Variants in RIMBP2 observed in about 807,000 individuals in gnomAD.
The protein encoded by RIMBP2 is RIMS binding protein 2.
A neutral mutation model predicts 118.6 loss-of-function variants in RIMBP2; 48 were observed. That is an observed-to-expected ratio of 0.40 (90% CI 0.32 to 0.51). The LOEUF (loss-of-function observed/expected upper bound fraction) is 0.51. RIMBP2 is among the 20% of genes least tolerant of loss of function. The pLI, the probability that RIMBP2 is intolerant of heterozygous loss-of-function variation, is 0.41. For synonymous variants in RIMBP2, 762 were observed against 742.9 expected, an observed-to-expected ratio of 1.03 and a Z score of -0.42; for missense variants, 1,551 against 1,768.3, an observed-to-expected ratio of 0.88 and a Z score of 2.20.
chr12:130,495,555 T>C (rs1055464792), intron 4 of RIMBP2, among the ~76,000 whole-genome samples: 1 of 152,220 alleles, frequency 6.6e-6, no homozygotes, highest in East Asian at 1.9e-4. Flanking sequence ...ACCTGATTTT[T>C]TTTCTGAGCT....
chr12:130,552,076 T>A (rs2055846239), intron 2 of RIMBP2, among the ~76,000 whole-genome samples: 1 of 152,252 alleles, frequency 6.6e-6, no homozygotes, highest in Non-Finnish European at 1.5e-5. Flanking sequence ...TCATAACTGC[T>A]TTAACATCTA....
intron 8 of RIMBP2, 46 bp downstream of exon 8, chr12:130,451,149 C>A: frequency 6.3e-7 from 1 of 1,597,020 alleles, no homozygotes; most frequent in South Asian, 1.1e-5. Flanking sequence ...ACACCAGACA[C>A]ACACAGCACA....
intron 1 of RIMBP2, among the ~76,000 whole-genome samples, chr12:130,661,843 G>A (rs1318077937): frequency 6.6e-6 from 1 of 152,162 alleles, no homozygotes; most frequent in East Asian, 1.9e-4. Context: ...CCCTTCATGA[G>A]TATGCATCTC....
At chr12:130,504,288 G>A (rs1460321538) in intron 4 of RIMBP2, among the ~76,000 whole-genome samples, 1 of 152,144 alleles carries the variant, frequency 6.6e-6, no homozygotes, top group Non-Finnish European at 1.5e-5. Flanking sequence ...GAGGGGCTGT[G>A]AGCCGGCCCT....
At chr12:130,672,834 GT>G (rs1429762077) in intron 1 of RIMBP2, among the ~76,000 whole-genome samples, 1 of 152,158 alleles carries the variant, frequency 6.6e-6, no homozygotes, top group East Asian at 1.9e-4. Context: ...ACTTTGGGTT[GT>G]TAACATTAGC....
chr12:130,604,233 A>G (rs1333898761), intron 2 of RIMBP2, among the ~76,000 whole-genome samples: 1 of 151,932 alleles, frequency 6.6e-6, no homozygotes, highest in African/African-American at 2.4e-5. Flanking sequence ...GCAGCTGTGC[A>G]ATGTCTTTGT....
intron 1 of RIMBP2, among the ~76,000 whole-genome samples, chr12:130,706,598 G>A (rs78616713): frequency 0.026 from 3,919 of 152,356 alleles, 174 homozygotes; most frequent in African/African-American, 0.089. Context: ...AGGGGCAGGC[G>A]CTCTGGCGAA....
At chr12:130,616,398 G>A (rs377097642) in intron 2 of RIMBP2, among the ~76,000 whole-genome samples, 3 of 151,828 alleles carry the variant, frequency 2.0e-5, no homozygotes, top group Admixed American at 1.3e-4. Flanking sequence ...GACTGTTGCC[G>A]TTTTCAGAAG....
chr12:130,422,041 C>G lies in RIMBP2; in HGVS notation c.3238+412G>C, dbSNP rs749649348. 9.2e-5 allele frequency among the ~76,000 whole-genome samples: 14 copies of G among 152,200 alleles called. No individual in the cohort carries two copies. Among genetic ancestry groups the G allele is most frequent in the Non-Finnish European group, 1.5e-4 (10 of 68,044 alleles). On this transcript the variant is annotated intron_variant, in intron 17 of 22. Coordinates refer to ENST00000690449, the MANE Select transcript of RIMBP2 (RefSeq NM_001393629.1). This position sits in a 1 kb window ranked among gnomAD's most constrained non-coding sequence, Gnocchi z 5.2. ...GGATTTAGCTCTGCTGCCAGCGTGT[C>G]TTCTGCAGACAGGCAGCATTCCCTC...
chr12:130,573,503 T>C (rs147414735), intron 2 of RIMBP2, among the ~76,000 whole-genome samples: 13 of 152,188 alleles, frequency 8.5e-5, no homozygotes, highest in African/African-American at 2.9e-4. Context: ...ACTGGAGATA[T>C]AGACGTGATC....
At chr12:130,566,363 T>A (rs1032739310) in intron 2 of RIMBP2, among the ~76,000 whole-genome samples, 1 of 152,238 alleles carries the variant, frequency 6.6e-6, no homozygotes, top group Admixed American at 6.5e-5. Flanking sequence ...TGATGCTCTA[T>A]CTTTAAGGAG....
intron 1 of RIMBP2, among the ~76,000 whole-genome samples, chr12:130,677,061 A>T (rs2064525293): frequency 6.6e-6 from 1 of 152,146 alleles, no homozygotes; most frequent in Admixed American, 6.5e-5. Flanking sequence ...GGGGTTTTCA[A>T]TCAGGAGGTG....
At chr12:130,500,770 T>C (rs1231900894) in intron 4 of RIMBP2, among the ~76,000 whole-genome samples, 1 of 152,136 alleles carries the variant, frequency 6.6e-6, no homozygotes, top group East Asian at 1.9e-4. Context: ...TCAGTCACTT[T>C]AGGACATGGA....
At chr12:130,631,820 C>T (rs1011340835) in intron 1 of RIMBP2, among the ~76,000 whole-genome samples, 1 of 152,112 alleles carries the variant, frequency 6.6e-6, no homozygotes, top group African/African-American at 2.4e-5. Flanking sequence ...TTCCATATAC[C>T]TTTATACACT....
chr12:130,518,644 G>T (rs1461356227), intron 2 of RIMBP2, among the ~76,000 whole-genome samples: 1 of 152,160 alleles, frequency 6.6e-6, no homozygotes, highest in Non-Finnish European at 1.5e-5. Flanking sequence ...TTTAGGACTT[G>T]TCTTACTCTC....
chr12:130,481,378 G>A (rs1273707673), intron 4 of RIMBP2, among the ~76,000 whole-genome samples: 1 of 152,156 alleles, frequency 6.6e-6, no homozygotes, highest in African/African-American at 2.4e-5. Context: ...TGTGGTTGGT[G>A]GGATATTTTG....
At chr12:130,482,542 G>A (rs2082101856) in intron 4 of RIMBP2, among the ~76,000 whole-genome samples, 1 of 152,204 alleles carries the variant, frequency 6.6e-6, no homozygotes, top group South Asian at 2.1e-4. Context: ...CTGATACGAG[G>A]AGGAGATTTC....
At chr12:130,409,064 A>T (rs1016284472) in intron 19 of RIMBP2, among the ~76,000 whole-genome samples, 1 of 152,210 alleles carries the variant, frequency 6.6e-6, no homozygotes, top group African/African-American at 2.4e-5. Flanking sequence ...AGGGAATGTT[A>T]CAAGTATGAC....
intron 2 of RIMBP2, among the ~76,000 whole-genome samples, chr12:130,543,779 C>T (rs1340295117): frequency 6.6e-6 from 1 of 151,666 alleles, no homozygotes. Flanking sequence ...AAAGTTCTTT[C>T]ACCTATAAGA....
Sources: allele counts gnomAD v4.1 joint callset (sites outside exome capture counted in the v4.1 genomes callset), GRCh38; gene constraint gnomAD v4.1.1; non-coding constraint Gnocchi (gnomAD v3.1); transcripts MANE v1.5; gene names NCBI Gene and HGNC (gene_info 2026-07-23, HGNC 2026-07-21).